MMS22L: variants seen among roughly 807,000 people sequenced by gnomAD.
The protein encoded by MMS22L is protein MMS22-like.
In MMS22L, 74 loss-of-function variants were observed where a neutral mutation model predicts 159.1. That is an observed-to-expected ratio of 0.47 (90% CI 0.39 to 0.56). The LOEUF (loss-of-function observed/expected upper bound fraction) is 0.56, where lower values mean the gene tolerates loss of function less well. Ranked by LOEUF, MMS22L falls within the 20% of genes least tolerant of loss-of-function variation. The pLI is 0.00. For missense variants in MMS22L, 1,351 were observed against 1,422.1 expected (o/e 0.95, Z 0.80); for synonymous variants, 517 against 506.9 (o/e 1.02, Z -0.27).
chr6:97,182,854 T>C (rs924294925), intron 15 of MMS22L, among the ~76,000 whole-genome samples: 3 of 152,150 alleles, frequency 2.0e-5, no homozygotes, highest in Non-Finnish European at 4.4e-5. Flanking sequence ...TCAGTCACTA[T>C]CTTTGTTGCA....
intron 10 of MMS22L, among the ~76,000 whole-genome samples, chr6:97,252,610 A>G (rs1010033355): frequency 1.7e-4 from 25 of 149,374 alleles, no homozygotes; most frequent in African/African-American, 6.2e-4. Context: ...ACGCCATTAT[A>G]CTCCAGCCTG....
At chr6:97,153,577 G>C (rs1801544604) in intron 22 of MMS22L, among the ~76,000 whole-genome samples, 1 of 151,822 alleles carries the variant, frequency 6.6e-6, no homozygotes, top group Non-Finnish European at 1.5e-5. Flanking sequence ...CACCGTATTG[G>C]CCAGGCAGGT....
At chr6:97,234,332 G>T (rs1160338932) in intron 11 of MMS22L, among the ~76,000 whole-genome samples, 1 of 152,118 alleles carries the variant, frequency 6.6e-6, no homozygotes, top group Non-Finnish European at 1.5e-5. Context: ...CGATTAAGAT[G>T]TACACAAATC....
chr6:97,173,142 A>C lies in MMS22L; in HGVS notation c.2760T>G (p.Gly920=). Residue 920 remains glycine (G), a synonymous_variant, in exon 19 of 25, where the codon GGT becomes GGG. Coordinates refer to ENST00000683635, the MANE Select transcript of MMS22L (RefSeq NM_001350599.2). ...AMVTKSLEYL[G]EVLKYIKPYL... ...AAGGCTTAATATATTTTAATACTTCACCAAGGTATTCCAAGGACTTTGTGA... is the reference window on the plus strand; with the variant it reads ...AAGGCTTAATATATTTTAATACTTCCCCAAGGTATTCCAAGGACTTTGTGA... 1 of 1,613,722 alleles carries C rather than the reference A, an allele frequency of 6.2e-7. No individual in the cohort carries two copies.
chr6:97,186,646 A>G lies in MMS22L; in HGVS notation c.2084T>C (p.Val695Ala). The G allele has an allele frequency of 6.3e-7, 1 of 1,588,676 alleles. No individual in the cohort carries two copies. Among genetic ancestry groups the G allele is most frequent in the Non-Finnish European group, 8.6e-7 (1 of 1,168,866 alleles). The stretch of plus-strand genomic sequence containing the variant: ...TAATGAAGACTGTACAAATAGGTCC[A>G]CATTGTCCCTTTGAAGTTCCTGACA... The part of the protein sequence containing the change: ...QLCQELQRDN[V>A]DLFVQSSLSA... The change falls in exon 15 of 25, where the codon GTG (valine) becomes GCG (alanine). Residue 695 changes from valine to alanine, a missense_variant. Val to Ala is a moderately conservative substitution (Grantham distance 64). Coordinates refer to ENST00000683635, the MANE Select transcript of MMS22L (RefSeq NM_001350599.2).
intron 19 of MMS22L, among the ~76,000 whole-genome samples, chr6:97,171,698 C>G (rs929636813): frequency 3.9e-5 from 6 of 152,098 alleles, no homozygotes; most frequent in African/African-American, 1.4e-4. Flanking sequence ...TGTAAGTGAA[C>G]AGCAGAGGTG....
At chr6:97,197,496 A>T (rs1004952339) in intron 14 of MMS22L, among the ~76,000 whole-genome samples, 2 of 152,162 alleles carry the variant, frequency 1.3e-5, no homozygotes, top group African/African-American at 2.4e-5. Flanking sequence ...CTCAGAGGTG[A>T]GATCATCTCT....
At chr6:97,173,642 G>A (rs1255288855) in intron 18 of MMS22L, among the ~76,000 whole-genome samples, 2 of 152,074 alleles carry the variant, frequency 1.3e-5, no homozygotes, top group Non-Finnish European at 2.9e-5. Flanking sequence ...TACAAGTAAT[G>A]CCAAATTTTT....
intron 3 of MMS22L, among the ~76,000 whole-genome samples, chr6:97,279,479 G>A (rs1343372525): frequency 1.0e-4 from 15 of 144,210 alleles, no homozygotes; most frequent in African/African-American, 2.7e-4. Flanking sequence ...GCAAGACTTC[G>A]TCTCAAAAAA....
intron 14 of MMS22L, among the ~76,000 whole-genome samples, chr6:97,209,522 T>G (rs1808147498): frequency 6.6e-6 from 1 of 151,820 alleles, no homozygotes; most frequent in Non-Finnish European, 1.5e-5. Context: ...TACAACCAAT[T>G]TATTAGTAAT....
At chr6:97,179,942 G>A (rs927616159) in intron 16 of MMS22L, among the ~76,000 whole-genome samples, 5 of 152,174 alleles carry the variant, frequency 3.3e-5, no homozygotes, top group Admixed American at 6.5e-5. Flanking sequence ...ATCAGTGTCC[G>A]TTAGAATAAG....
intron 14 of MMS22L, among the ~76,000 whole-genome samples, chr6:97,215,116 T>TATATATATATATATATATATATATATATA (rs1410024960): frequency 7.6e-6 from 1 of 132,070 alleles, no homozygotes; most frequent in South Asian, 2.4e-4. Context: ...ATATATATAT[T>TATATATATATATATATATATATATATATA]TTTTTTTTGC....
intron 14 of MMS22L, among the ~76,000 whole-genome samples, chr6:97,215,040 G>A (rs1465946317): frequency 6.7e-6 from 1 of 148,302 alleles, no homozygotes; most frequent in African/African-American, 2.5e-5. Context: ...GAAAATTCTA[G>A]AACAATCAAC....
intron 22 of MMS22L, among the ~76,000 whole-genome samples, chr6:97,152,248 C>T (rs1431134312): frequency 6.6e-6 from 1 of 151,930 alleles, no homozygotes; most frequent in Non-Finnish European, 1.5e-5. Context: ...TTTAAAAATT[C>T]ATAAGCATAT....
chr6:97,270,501 T>C (rs1403590978), intron 6 of MMS22L: 2 of 289,198 alleles, frequency 6.9e-6, no homozygotes, highest in Non-Finnish European at 6.8e-6. Flanking sequence ...GTATTAGTAT[T>C]CAAACTCAAT....
At chr6:97,162,262 C>A (rs1219713830) in intron 21 of MMS22L, 97 bp from the exon 22 acceptor site, 11 of 951,432 alleles carry the variant, frequency 1.2e-5, no homozygotes, top group Non-Finnish European at 1.7e-5. Flanking sequence ...AATTTACCCC[C>A]CAAATTAATA....
At chr6:97,263,672 T>A (rs1241787184) in intron 8 of MMS22L, 10 of 349,100 alleles carry the variant, frequency 2.9e-5, no homozygotes, top group African/African-American at 6.5e-5. Context: ...TAAAAAAAAA[T>A]TTTAATCATC....
At chr6:97,187,396 A>G (rs374408370) in intron 14 of MMS22L, among the ~76,000 whole-genome samples, 3 of 152,294 alleles carry the variant, frequency 2.0e-5, no homozygotes, top group African/African-American at 7.2e-5. Flanking sequence ...TGAGGTTACC[A>G]AAGAGAGGGA....
intron 14 of MMS22L, among the ~76,000 whole-genome samples, chr6:97,222,276 GA>G (rs1341777705): frequency 1.7e-4 from 26 of 152,010 alleles, no homozygotes; most frequent in African/African-American, 6.0e-4. Context: ...AAAACAAGCA[GA>G]TGATCTTCTA....
Sources: allele counts gnomAD v4.1 joint callset (sites outside exome capture counted in the v4.1 genomes callset), GRCh38; gene constraint gnomAD v4.1.1; transcripts MANE v1.5; gene names NCBI Gene and HGNC (gene_info 2026-07-23, HGNC 2026-07-21).